ZNF792: variants seen among roughly 807,000 people sequenced by gnomAD.
The protein encoded by ZNF792 is zinc finger protein 792.
A neutral mutation model predicts 13.1 loss-of-function variants in ZNF792; 14 were observed. That is an observed-to-expected ratio of 1.07 (90% CI 0.71 to 1.67). The LOEUF is 1.67. ZNF792 is among the 40% of genes most tolerant of loss of function. The pLI is 0.00. For synonymous variants in ZNF792, 257 were observed against 292.0 expected, an observed-to-expected ratio of 0.88 and a Z score of 1.22; for missense variants, 740 against 807.9, an observed-to-expected ratio of 0.92 and a Z score of 1.02.
chr19:34,961,359 A>G (rs1367346892), intron 1 of ZNF792, among the ~76,000 whole-genome samples: 1 of 152,018 alleles, frequency 6.6e-6, no homozygotes, highest in East Asian at 1.9e-4. Flanking sequence ...TTTGGACTGC[A>G]CCACCCTCAC....
At position 34,960,326 on chromosome 19, in the gene ZNF792, G is replaced by A. The variant is rs200422020; in HGVS notation, c.192C>T (p.Ser64=). 9.9e-6 allele frequency: 16 copies of A among 1,613,666 alleles called. No homozygotes were observed. In the East Asian group the frequency reaches 3.3e-4, roughly 34 times the overall value. Reference sequence around the variant, plus strand: ...AGGGCTCTTTCCCCATCTCCAACTGGGAAACGATGTGGGACCTGAAAGATA... The same window carrying A: ...AGGGCTCTTTCCCCATCTCCAACTGAGAAACGATGTGGGACCTGAAAGATA... The part of the protein sequence containing the change: ...GLISFRSHIV[S]QLEMGKEPWV... The change falls in exon 3 of 4, where the codon TCC becomes TCT. Residue 64 remains serine (S), a synonymous_variant. Coordinates refer to ENST00000404801, the MANE Select transcript of ZNF792 (RefSeq NM_175872.5).
Position 34,959,054 on chromosome 19 carries a change from G to A in ZNF792, c.801C>T (p.Ser267=). The change falls in exon 4 of 4, where the codon TCC becomes TCT. Residue 267 remains serine, a synonymous_variant. Transcript: ENST00000404801. Reference sequence around the variant, plus strand: ...GGATTCTCTGGTGCTGAACAAGAGTGGATTTGTTATTGAAGGCATCCCCAG... The same window carrying A: ...GGATTCTCTGGTGCTGAACAAGAGTAGATTTGTTATTGAAGGCATCCCCAG... The part of the protein sequence containing the change: ...CESGDAFNNK[S]TLVQHQRIHS... 1 of 1,614,198 alleles carries A rather than the reference G, an allele frequency of 6.2e-7. No individual in the cohort carries two copies. The highest frequency in any genetic ancestry group is 1.3e-5 in the African/African-American group (1 of 75,060).
At chr19:34,960,679 G>T in intron 2 of ZNF792, 189 bp downstream of exon 2, 1 of 883,568 alleles carries the variant, frequency 1.1e-6, no homozygotes, top group Non-Finnish European at 1.7e-6. Flanking sequence ...CAGCAGGTGT[G>T]GGGGCAGCTC....
In ZNF792 at chr19:34,963,610, C is replaced by A; in HGVS notation, c.33+20G>T. On this transcript the variant is annotated intron_variant, in intron 1 of 3. Coordinates refer to ENST00000404801, the MANE Select transcript of ZNF792 (RefSeq NM_175872.5). ...AGCGTGGGGGGCCGACAGCGAAGGG[C>A]CTAACGTCCAAGCACTCACCTGCGC... 1 of 1,600,992 alleles carries A rather than the reference C, an allele frequency of 6.2e-7. No homozygotes were observed. The highest frequency in any genetic ancestry group is 8.5e-7 in the Non-Finnish European group (1 of 1,174,760).
rs1157671641 is a variant in ZNF792 at position 34,963,929 on chromosome 19, G to T, written c.-267C>A. 1 of 432,460 alleles carries T rather than the reference G, an allele frequency of 2.3e-6. No homozygotes were observed. The highest frequency in any genetic ancestry group is 4.2e-5 in the Admixed American group (1 of 23,594). 26.8% of individuals were successfully genotyped at this position (432,460 alleles called of 1,614,324 possible). A position where few individuals can be genotyped will look rare whatever the true frequency, so the allele number is the denominator to read the frequency against. On this transcript the variant is annotated 5_prime_UTR_variant, in exon 1 of 4. Transcript: ENST00000404801. ...CGGCTGGTGCAAAGGCGCGGAGGGG[G>T]TCCCGGCCTCACTGTCCCCCTCGCG...
Position 34,959,312 on chromosome 19 carries a change from C to A in ZNF792, c.543G>T (p.Gln181His). Residue 181 changes from glutamine (Q) to histidine (H), a missense_variant, in exon 4 of 4, where the codon CAG (glutamine) becomes CAT (histidine). Coordinates refer to ENST00000404801, the MANE Select transcript of ZNF792 (RefSeq NM_175872.5). ...FSANLPRKQV[Q>H]QNVHNPIRTE... ...TTCTGATAGGGTTGTGTACGTTCTG[C>A]TGCACCTGTTTCCGGGGAAGGTTTG... The A allele has an allele frequency of 6.2e-7, 1 of 1,614,054 alleles. No individual in the cohort carries two copies. Among genetic ancestry groups the A allele is most frequent in the Non-Finnish European group, 8.5e-7 (1 of 1,179,904 alleles).
rs891410955 is a variant in ZNF792, at chr19:34,957,526, C to A, written c.*430G>T. On this transcript the variant is annotated 3_prime_UTR_variant, in exon 4 of 4. Transcript: ENST00000404801. ...GCCATTATCATCACATGAACCAGGG[C>A]AATACACAGGAGATAAGTTGTTGTG... 1 of 166,944 alleles carries A rather than the reference C, an allele frequency of 6.0e-6. No individual in the cohort carries two copies. Among genetic ancestry groups the A allele is most frequent in the African/African-American group, 2.4e-5 (1 of 41,726 alleles). The allele number at this position is 166,944 out of a possible 1,614,324, so 10.3% of individuals were successfully genotyped here.
chr19:34,958,040 G>A lies in ZNF792; in HGVS notation c.1815C>T (p.Ser605=). The change falls in exon 4 of 4, where the codon AGC becomes AGT. Residue 605 remains serine (S), a synonymous_variant. Transcript: ENST00000404801. The part of the protein sequence containing the change: ...LPCSQHTPEI[S]SENRPYQGAV... ...CGCCCTGATAAGGTCTGTTCTCAGA[G>A]CTTATCTCTGGTGTGTGCTGTGAAC... is the stretch of plus-strand genomic sequence containing the variant. 2 of 1,612,884 alleles carry A rather than the reference G, an allele frequency of 1.2e-6. No individual in the cohort carries two copies. The highest frequency in any genetic ancestry group is 1.7e-6 in the Non-Finnish European group (2 of 1,179,430).
In ZNF792 at chr19:34,959,097, T is replaced by C; in HGVS notation, c.758A>G (p.His253Arg). The change falls in exon 4 of 4, where the codon CAT (histidine) becomes CGT (arginine). Residue 253 changes from histidine to arginine, a missense_variant. By Grantham distance (29) the His-to-Arg change is conservative. Coordinates refer to ENST00000404801, the MANE Select transcript of ZNF792 (RefSeq NM_175872.5). The stretch of plus-strand genomic sequence containing the variant: ...ATCCCCAGATTCACAGCACTTGTTA[T>C]GCCTTAGTGCAATGTGAAAATCCAC... ...GVVDFHIALR[H>R]NKCCESGDAF... is the part of the protein sequence containing the mutation. 1 of 1,614,044 alleles carries C rather than the reference T, an allele frequency of 6.2e-7. No homozygotes were observed. The highest frequency in any genetic ancestry group is 8.5e-7 in the Non-Finnish European group (1 of 1,179,858).
In ZNF792 at chr19:34,958,365, C is replaced by T. The variant is rs373388761; in HGVS notation, c.1490G>A (p.Arg497Gln). ...FSQSSSLNSH[R>Q]RLHTGERPYQ... is the part of the protein sequence containing the mutation. ...AGGCCGTTCACCAGTGTGAAGTCTC[C>T]GATGGCTATTGAGGCTGGAGCTCTG... is the stretch of plus-strand genomic sequence containing the variant. The change falls in exon 4 of 4, where the codon CGG becomes CAG. Residue 497 changes from arginine (R) to glutamine (Q), a missense_variant. Arg to Gln is a conservative substitution (Grantham distance 43). Transcript: ENST00000404801. 35 of 1,613,178 alleles carry T rather than the reference C, an allele frequency of 2.2e-5. No individual in the cohort carries two copies. The highest frequency in any genetic ancestry group is 1.6e-4 in the Middle Eastern group (1 of 6,084).
At position 34,959,511 on chromosome 19, in the gene ZNF792, C is replaced by T. The variant is rs928111788; in HGVS notation, c.344G>A (p.Gly115Glu). 6.3e-7 allele frequency: 1 copy of T among 1,591,130 alleles called. No individual in the cohort carries two copies. The highest frequency in any genetic ancestry group is 2.2e-5 in the East Asian group (1 of 44,598). The change falls in exon 4 of 4, where the codon GGA becomes GAA. Residue 115 changes from glycine (G) to glutamate (E), a missense_variant. Transcript: ENST00000404801. ...LPSEHNVSVEGVAQDRSPEAT... is the reference protein window; with the variant it reads ...LPSEHNVSVEEVAQDRSPEAT... The stretch of plus-strand genomic sequence containing the variant: ...CTCGGGACTCCTGTCCTGTGCCACT[C>T]CTTCTACAGAAACGTTATGCTCAGA...
rs2013477890 is a variant in ZNF792 at position 34,958,799 on chromosome 19, G to A, written c.1056C>T (p.Asn352=). Residue 352 remains asparagine (N), a synonymous_variant, in exon 4 of 4, where the codon AAC becomes AAT. Transcript: ENST00000404801. ...TGTGAACCCTCTTATGCTGAATGAG[G>A]TTGGAGCTTCGGCTGAAGAATTTCC... ...DCGKFFSRSS[N]LIQHKRVHTG... 1.2e-6 allele frequency: 2 copies of A among 1,613,978 alleles called. No homozygotes were observed. Among genetic ancestry groups the A allele is most frequent in the South Asian group, 2.2e-5 (2 of 91,076 alleles).
chr19:34,960,542 C>T, intron 2 of ZNF792, 185 bp from the exon 3 acceptor site: 1 of 791,684 alleles, frequency 1.3e-6, no homozygotes, highest in Non-Finnish European at 2.0e-6. Context: ...AGAGGAAAGG[C>T]ACAGAATCTA....
intron 2 of ZNF792, 93 bp downstream of exon 2, chr19:34,960,775 C>T (rs2013515715): frequency 3.8e-6 from 6 of 1,576,864 alleles, no homozygotes; most frequent in East Asian, 2.3e-5. Flanking sequence ...GCAGTGCCAG[C>T]GGTCTGGCTG....
At chr19:34,960,776 G>C in intron 2 of ZNF792, 92 bp downstream of exon 2, 1 of 1,582,648 alleles carries the variant, frequency 6.3e-7, no homozygotes, top group African/African-American at 1.3e-5. Context: ...CAGTGCCAGC[G>C]GTCTGGCTGT....
At position 34,960,352 on chromosome 19, in the gene ZNF792, TAA is replaced by T; in HGVS notation, c.164_165del (p.Leu55HisfsTer21). ...GAAACGATGTGGGACCTGAAAGATA[TAA>T]GTCCTAAGGGAAAGACAGAGTGGGT... ...ENFALIASLGLISFRSHIVSQ... is the reference protein window; with the variant it reads ...ENFALIASLGXISFRSHIVSQ... On this transcript the variant is annotated frameshift_variant, in exon 3 of 4. Coordinates refer to ENST00000404801, the MANE Select transcript of ZNF792 (RefSeq NM_175872.5). LOFTEE classifies it high-confidence loss of function. 6.2e-7 allele frequency: 1 copy of T among 1,612,930 alleles called. No homozygotes were observed. Among genetic ancestry groups the T allele is most frequent in the Middle Eastern group, 1.7e-4 (1 of 5,782 alleles).
In ZNF792 at chr19:34,958,853, A is replaced by T. The variant is rs1349771574; in HGVS notation, c.1002T>A (p.Gly334=). 1 of 1,612,340 alleles carries T rather than the reference A, an allele frequency of 6.2e-7. No individual in the cohort carries two copies. The part of the protein sequence containing the change: ...SLVKHRRVHT[G]ESPHVCGDCG... ...AGTCACCACACACGTGAGGGCTTTC[A>T]CCGGTGTGAACCCTGCGATGTTTAA... The change falls in exon 4 of 4, where the codon GGT becomes GGA. Residue 334 remains glycine (G), a synonymous_variant. Transcript: ENST00000404801.
At position 34,958,843 on chromosome 19, in the gene ZNF792, G is replaced by A. The variant is rs756181345; in HGVS notation, c.1012C>T (p.His338Tyr). 2.5e-6 allele frequency: 4 copies of A among 1,612,308 alleles called. No homozygotes were observed. The highest frequency in any genetic ancestry group is 3.4e-6 in the Non-Finnish European group (4 of 1,178,724). ...HRRVHTGESP[H>Y]VCGDCGKFFS... ...AATTTCCCACAGTCACCACACACGTGAGGGCTTTCACCGGTGTGAACCCTG... is the reference window on the plus strand; with the variant it reads ...AATTTCCCACAGTCACCACACACGTAAGGGCTTTCACCGGTGTGAACCCTG... The change falls in exon 4 of 4, where the codon CAC (histidine) becomes TAC (tyrosine). Residue 338 changes from histidine (H) to tyrosine (Y), a missense_variant. By Grantham distance (83) the His-to-Tyr change is moderately conservative (BLOSUM62 2). Coordinates refer to ENST00000404801, the MANE Select transcript of ZNF792 (RefSeq NM_175872.5).
chr19:34,957,847 G>T lies in ZNF792; in HGVS notation c.*109C>A. ...CACTCTTTGGAGAGCTGCAGTGTGT[G>T]GTGCTGACATGGCTTCTATCACAAC... is the stretch of plus-strand genomic sequence containing the variant. On this transcript the variant is annotated 3_prime_UTR_variant, in exon 4 of 4. Transcript: ENST00000404801. 9.1e-7 allele frequency: 1 copy of T among 1,095,898 alleles called. No homozygotes were observed. The highest frequency in any genetic ancestry group is 1.3e-6 in the Non-Finnish European group (1 of 775,606). 67.9% of individuals were successfully genotyped at this position (1,095,898 alleles called of 1,614,324 possible).
Sources: allele counts gnomAD v4.1 joint callset (sites outside exome capture counted in the v4.1 genomes callset), GRCh38; gene constraint gnomAD v4.1.1; transcripts MANE v1.5; gene names NCBI Gene and HGNC (gene_info 2026-07-23, HGNC 2026-07-21).